SHISAL1: variants seen among roughly 807,000 people sequenced by gnomAD.
SHISAL1 encodes shisa like 1.
SHISAL1 carries 9 observed loss-of-function variants against 22.6 expected under a neutral mutation model. That is an observed-to-expected ratio of 0.40 (90% CI 0.24 to 0.70). The LOEUF is 0.70. Ranked by LOEUF, SHISAL1 falls within the 30% of genes least tolerant of loss-of-function variation. SHISAL1 has a pLI of 0.39. For synonymous variants in SHISAL1, 119 were observed against 115.4 expected (o/e 1.03, Z -0.20); for missense variants, 246 against 270.6 (o/e 0.91, Z 0.64).
intron 2 of SHISAL1, among the ~76,000 whole-genome samples, chr22:44,297,690 C>G (rs1346821378): frequency 6.6e-6 from 1 of 152,168 alleles, no homozygotes; most frequent in African/African-American, 2.4e-5. Flanking sequence ...CGAGTCGTGC[C>G]GATGGTGATA....
chr22:44,297,705 G>A (rs1476893931), intron 2 of SHISAL1, among the ~76,000 whole-genome samples: 1 of 152,242 alleles, frequency 6.6e-6, no homozygotes, highest in Non-Finnish European at 1.5e-5. Context: ...GTGATAAACA[G>A]GACTGAAAGT....
rs1388548009 is a variant in SHISAL1 at position 44,296,659 on chromosome 22, G to C, written c.281+13C>G. On this transcript the variant is annotated intron_variant, in intron 3 of 4. Transcript: ENST00000381176. Reference sequence around the variant, plus strand: ...CCGAGGCAGTGGGGTTGCACCCCCAGAGTGGCACTCACTTGTGCATGTAAC... The same window carrying C: ...CCGAGGCAGTGGGGTTGCACCCCCACAGTGGCACTCACTTGTGCATGTAAC... 2 of 1,611,814 alleles carry C rather than the reference G, an allele frequency of 1.2e-6. No homozygotes were observed. The highest frequency in any genetic ancestry group is 2.7e-5 in the African/African-American group (2 of 74,894).
At chr22:44,327,221 T>G in the SHISAL1 span, among the ~76,000 whole-genome samples, 1 of 147,830 alleles carries the variant, frequency 6.8e-6, no homozygotes, top group East Asian at 2.0e-4. Context: ...CCTTGAGGGC[T>G]GTGGAGAGTG....
chr22:44,267,192 G>A (rs1224622343), intron 4 of SHISAL1, among the ~76,000 whole-genome samples: 14 of 152,072 alleles, frequency 9.2e-5, no homozygotes, highest in African/African-American at 4.8e-5. Context: ...ATCCTCTCGC[G>A]GCTTCCAGAC....
intron 4 of SHISAL1, among the ~76,000 whole-genome samples, chr22:44,269,687 A>G (rs1010287167): frequency 3.4e-5 from 5 of 149,110 alleles, no homozygotes; most frequent in Non-Finnish European, 7.4e-5. Flanking sequence ...ATATACACAC[A>G]CCAAGCCACA....
In SHISAL1 at chr22:44,312,239, C is replaced by T. The variant is rs189885841; in HGVS notation, c.-33+512G>A. Among the ~76,000 whole-genome samples the T allele has an allele frequency of 1.4e-4, 21 of 152,320 alleles. No individual in the cohort carries two copies. In the East Asian group the frequency reaches 3.7e-3, roughly 27 times the overall value. On this transcript the variant is annotated intron_variant, in intron 1 of 4. Transcript: ENST00000381176. Reference sequence around the variant, plus strand: ...CATTCATTCATCTATTCACTTATTTCGTACCGGTGTGATGCTGGACTGGGA... The same window carrying T: ...CATTCATTCATCTATTCACTTATTTTGTACCGGTGTGATGCTGGACTGGGA...
upstream of SHISAL1, among the ~76,000 whole-genome samples, chr22:44,315,026 G>A (rs1020166661): frequency 3.9e-5 from 6 of 152,174 alleles, no homozygotes; most frequent in South Asian, 2.1e-4. Flanking sequence ...GGCATACAGC[G>A]GGACGTGGGG....
chr22:44,316,518 C>T (rs2055559530), upstream of SHISAL1, among the ~76,000 whole-genome samples: 1 of 152,142 alleles, frequency 6.6e-6, no homozygotes, highest in Admixed American at 6.5e-5. Flanking sequence ...AGTCTTTGTC[C>T]ACTCTGCAGT....
chr22:44,263,979 C>T (rs1166977772), intron 4 of SHISAL1, among the ~76,000 whole-genome samples: 4 of 152,142 alleles, frequency 2.6e-5, no homozygotes, highest in East Asian at 1.9e-4. Context: ...CACCAAGAGA[C>T]GTGGATGTGA....
chr22:44,315,448 C>T (rs2055552085), upstream of SHISAL1, among the ~76,000 whole-genome samples: 7 of 151,984 alleles, frequency 4.6e-5, no homozygotes, highest in African/African-American at 9.7e-5. Flanking sequence ...GGTGTGGTGC[C>T]GGAACTGTCC....
chr22:44,304,283 C>CGCG (rs1555931358), intron 1 of SHISAL1, among the ~76,000 whole-genome samples: 1 of 152,038 alleles, frequency 6.6e-6, no homozygotes, highest in Admixed American at 6.5e-5. Context: ...GACTTCGGAG[C>CGCG]GAGATGGGGC....
chr22:44,318,451 G>A, the SHISAL1 span, among the ~76,000 whole-genome samples: 1 of 152,344 alleles, frequency 6.6e-6, no homozygotes, highest in East Asian at 1.9e-4. Flanking sequence ...GCGGGTGCTG[G>A]GCCCAGGCCT....
chr22:44,244,311 T>C lies in SHISAL1; in HGVS notation c.*5374A>G, dbSNP rs1339799444. The C allele has an allele frequency of 2.0e-5, 3 of 152,164 alleles. No individual in the cohort carries two copies. The highest frequency in any genetic ancestry group is 4.8e-5 in the African/African-American group (2 of 41,426). The allele number at this position is 152,164 out of a possible 1,614,324, so 9.4% of individuals were successfully genotyped here. A position where few individuals can be genotyped will look rare whatever the true frequency, so the allele number is the denominator to read the frequency against. On this transcript the variant is annotated 3_prime_UTR_variant, in exon 5 of 5. Transcript: ENST00000381176. ...TAGGGTCATTCAACAGGGTACCTCATTGTACAAACCTAAGGGTCACCGTTC... is the reference window on the plus strand; with the variant it reads ...TAGGGTCATTCAACAGGGTACCTCACTGTACAAACCTAAGGGTCACCGTTC...
At chr22:44,297,322 G>C (rs1218195853) in intron 2 of SHISAL1, among the ~76,000 whole-genome samples, 1 of 152,230 alleles carries the variant, frequency 6.6e-6, no homozygotes, top group Non-Finnish European at 1.5e-5. Context: ...TGGAGGGACA[G>C]GAATGGAACT....
chr22:44,277,601 T>G (rs988191545), intron 4 of SHISAL1, among the ~76,000 whole-genome samples: 4 of 152,124 alleles, frequency 2.6e-5, no homozygotes, highest in African/African-American at 4.8e-5. Flanking sequence ...CTACAGCAGG[T>G]TCCAGGCAGT....
At chr22:44,318,695 G>A in the SHISAL1 span, among the ~76,000 whole-genome samples, 5 of 152,238 alleles carry the variant, frequency 3.3e-5, no homozygotes, top group South Asian at 2.1e-4. Flanking sequence ...CAGTCACCAG[G>A]GCTGCCTTTT....
At position 44,246,711 on chromosome 22, in the gene SHISAL1, C is replaced by CTTGTTCTCACT. The variant is rs200524569; in HGVS notation, c.*2973_*2974insAGTGAGAACAA. 6.6e-6 allele frequency: 1 copy of CTTGTTCTCACT among 152,274 alleles called. No homozygotes were observed. The highest frequency in any genetic ancestry group is 2.4e-5 in the African/African-American group (1 of 41,448). The allele number at this position is 152,274 out of a possible 1,614,324, so 9.4% of individuals were successfully genotyped here. A position where few individuals can be genotyped will look rare whatever the true frequency, so the allele number is the denominator to read the frequency against. On this transcript the variant is annotated 3_prime_UTR_variant, in exon 5 of 5. Coordinates refer to ENST00000381176, the MANE Select transcript of SHISAL1 (RefSeq NM_001099294.2). ...ACACCCACATGCACACTGTTCTCAC[C>CTTGTTCTCACT]TGTCGGCTCCTCTGTGAGACAGCAA...
In SHISAL1 at chr22:44,296,565, CCTTATA is replaced by C. The variant is rs2055387329; in HGVS notation, c.281+101_281+106del. ...CCAGACTCCTTCCAGGCCCACCCAA[CCTTATA>C]GCGGTTACCCAACCGCCTCCCTAGG... is the stretch of plus-strand genomic sequence containing the variant. On this transcript the variant is annotated intron_variant, in intron 3 of 4. Transcript: ENST00000381176. 12 of 929,336 alleles carry C rather than the reference CCTTATA, an allele frequency of 1.3e-5. No homozygotes were observed. In the East Asian group the frequency reaches 1.8e-4, roughly 14 times the overall value. The allele number at this position is 929,336 out of a possible 1,614,324, so 57.6% of individuals were successfully genotyped here. A position where few individuals can be genotyped will look rare whatever the true frequency, so the allele number is the denominator to read the frequency against.
chr22:44,280,931 C>T (rs901236981), intron 4 of SHISAL1, among the ~76,000 whole-genome samples: 1 of 152,140 alleles, frequency 6.6e-6, no homozygotes, highest in African/African-American at 2.4e-5. Flanking sequence ...ATGACCATCA[C>T]AACCATGAGA....
Sources: allele counts gnomAD v4.1 joint callset (sites outside exome capture counted in the v4.1 genomes callset), GRCh38; gene constraint gnomAD v4.1.1; transcripts MANE v1.5; gene names NCBI Gene and HGNC (gene_info 2026-07-23, HGNC 2026-07-21).